PCDHA8: variants seen among roughly 807,000 people sequenced by gnomAD.
PCDHA8 encodes the protein protocadherin alpha-8.
PCDHA8 carries 53 observed loss-of-function variants against 61.8 expected under a neutral mutation model. The ratio of observed to expected loss-of-function variants is 0.86; its 90% CI spans 0.69 to 1.08. The LOEUF is 1.08. Among genes scored for constraint, PCDHA8 ranks in the 50% least tolerant of loss-of-function variants. The pLI, the probability that PCDHA8 is intolerant of heterozygous loss-of-function variation, is 0.00. For synonymous variants in PCDHA8, 618 were observed against 556.6 expected (o/e 1.11, Z -1.55); for missense variants, 1,293 against 1,245.0 (o/e 1.04, Z -0.58).
chr5:140,850,559 C>A, intron 1 of PCDHA8: 3 of 1,598,268 alleles, frequency 1.9e-6, no homozygotes, highest in Non-Finnish European at 2.6e-6. Flanking sequence ...GTGCCACGGG[C>A]CCCGAGGTGA....
intron 1 of PCDHA8, chr5:140,927,033 G>A (rs2083768533): frequency 1.2e-6 from 2 of 1,612,344 alleles, no homozygotes; most frequent in Non-Finnish European, 1.7e-6. Flanking sequence ...GGCTGCCAGC[G>A]GCCGCTATGT....
At chr5:140,998,210 A>G (rs2097801454) in intron 3 of PCDHA8, among the ~76,000 whole-genome samples, 1 of 152,218 alleles carries the variant, frequency 6.6e-6, no homozygotes, top group South Asian at 2.1e-4. Flanking sequence ...TTTAATCTGT[A>G]TAACCACACC....
chr5:140,850,927 T>C, intron 1 of PCDHA8: 1 of 1,521,264 alleles, frequency 6.6e-7, no homozygotes, highest in Non-Finnish European at 8.8e-7. Flanking sequence ...TATATAATTT[T>C]TTTTCTTGAA....
intron 3 of PCDHA8, among the ~76,000 whole-genome samples, chr5:140,993,683 G>A (rs2097577653): frequency 6.6e-6 from 1 of 152,080 alleles, no homozygotes; most frequent in Non-Finnish European, 1.5e-5. Flanking sequence ...TGTGACAGCT[G>A]TCCCATAAGA....
intron 1 of PCDHA8, among the ~76,000 whole-genome samples, chr5:140,941,207 CT>C (rs880001940): frequency 0.13 from 13,079 of 103,138 alleles, 665 homozygotes; most frequent in African/African-American, 0.21. Context: ...TTCTTCCTTT[CT>C]TTCTTCCTTT....
At chr5:140,876,754 C>A in intron 1 of PCDHA8, 1 of 1,614,212 alleles carries the variant, frequency 6.2e-7, no homozygotes, top group Non-Finnish European at 8.5e-7. Context: ...GGTGACTGCG[C>A]GGGATGGGGG....
intron 1 of PCDHA8, among the ~76,000 whole-genome samples, chr5:140,917,700 T>C (rs879971168): frequency 2.0e-5 from 3 of 152,166 alleles, no homozygotes; most frequent in Non-Finnish European, 4.4e-5. Flanking sequence ...GATCAGATAA[T>C]TGTAGGTGTG....
At chr5:140,891,174 T>C (rs147745090) in intron 1 of PCDHA8, among the ~76,000 whole-genome samples, 2,208 of 152,320 alleles carry the variant, frequency 0.014, 24 homozygotes, top group Non-Finnish European at 0.022. Flanking sequence ...TTTTCAGATT[T>C]TCTGTGTGTC....
chr5:140,916,322 C>T (rs2077526281), intron 1 of PCDHA8, among the ~76,000 whole-genome samples: 1 of 152,066 alleles, frequency 6.6e-6, no homozygotes, highest in Non-Finnish European at 1.5e-5. Context: ...GACAAAGTCC[C>T]CTTTACTTTT....
At chr5:140,876,184 A>T in intron 1 of PCDHA8, 1 of 1,613,968 alleles carries the variant, frequency 6.2e-7, no homozygotes. Flanking sequence ...TGTGAATGAC[A>T]ATGGTCCGGC....
intron 3 of PCDHA8, among the ~76,000 whole-genome samples, chr5:141,006,649 G>A (rs1377970510): frequency 2.6e-5 from 4 of 152,176 alleles, no homozygotes; most frequent in Admixed American, 2.0e-4. Context: ...AGAGATGATG[G>A]TGTCCTGAAA....
chr5:140,877,155 C>G (rs782559744), intron 1 of PCDHA8: 21 of 1,613,680 alleles, frequency 1.3e-5, no homozygotes, highest in Non-Finnish European at 1.8e-5. Flanking sequence ...AGAACGACAA[C>G]GCGCCGGCAC....
At chr5:140,958,375 T>A (rs1554223446) in intron 1 of PCDHA8, among the ~76,000 whole-genome samples, 1 of 152,162 alleles carries the variant, frequency 6.6e-6, no homozygotes, top group Non-Finnish European at 1.5e-5. Flanking sequence ...AATGTTGCTA[T>A]TTTCTTAACA....
intron 1 of PCDHA8, among the ~76,000 whole-genome samples, chr5:140,936,282 T>C (rs781971653): frequency 6.6e-6 from 1 of 152,250 alleles, no homozygotes; most frequent in Non-Finnish European, 1.5e-5. Context: ...CTGTGTTTTC[T>C]TCTATAACAT....
intron 1 of PCDHA8, chr5:140,871,029 G>A (rs782042665): frequency 1.9e-6 from 3 of 1,613,228 alleles, no homozygotes; most frequent in Non-Finnish European, 2.5e-6. Flanking sequence ...CAGACTCGCC[G>A]CGCCACCGAC....
chr5:140,854,428 A>G (rs1402946580), intron 1 of PCDHA8: 1 of 151,142 alleles, frequency 6.6e-6, no homozygotes, highest in Non-Finnish European at 1.5e-5. Context: ...TAAAATCAGA[A>G]TTTGAATGAA....
chr5:140,853,989 C>T (rs2042932367), intron 1 of PCDHA8: 1 of 494,686 alleles, frequency 2.0e-6, no homozygotes, highest in Non-Finnish European at 2.7e-6. Context: ...TGTAGTGAGA[C>T]TCATCTCTGC....
At chr5:140,862,364 C>T in intron 1 of PCDHA8, 1 of 339,652 alleles carries the variant, frequency 2.9e-6, no homozygotes, top group Non-Finnish European at 5.8e-6. Flanking sequence ...ACAGACGACC[C>T]GCACCCTGAC....
intron 1 of PCDHA8, chr5:140,854,468 A>G (rs1581342472): frequency 6.7e-6 from 1 of 150,046 alleles, no homozygotes; most frequent in African/African-American, 2.4e-5. Flanking sequence ...CCAGAGGAGT[A>G]GAGAAGTATA....
Sources: gnomAD v4.1 joint callset for allele counts (sites outside exome capture counted in the v4.1 genomes callset) on GRCh38, gnomAD v4.1.1 for gene constraint, MANE v1.5 for transcripts, NCBI Gene and HGNC (gene_info 2026-07-23, HGNC 2026-07-21) for gene names.